Variants in AHRR observed in about 807,000 individuals in gnomAD.
The protein encoded by AHRR is aryl hydrocarbon receptor repressor, also known as ahR repressor.
A neutral mutation model predicts 44.0 loss-of-function variants in AHRR; 28 were observed. The observed-to-expected ratio is 0.64, with a 90% CI of 0.47 to 0.87. The LOEUF is 0.87. AHRR is among the 40% of genes least tolerant of loss of function. The pLI, the probability that AHRR is intolerant of heterozygous loss-of-function variation, is 0.00. For missense variants in AHRR, 990 were observed against 953.9 expected (o/e 1.04, Z -0.50); for synonymous variants, 434 against 407.0 (o/e 1.07, Z -0.80).
Position 408,382 on chromosome 5 carries a change from C to CTTT in AHRR, c.352-4953_352-4951dup, listed in dbSNP as rs34389831. Among the ~76,000 whole-genome samples, 282 of 145,878 alleles carry CTTT rather than the reference C, an allele frequency of 1.9e-3. 1 individual carries two copies. The highest frequency in any genetic ancestry group is 6.1e-3 in the African/African-American group (243 of 40,022). ...TTCAGTAATTCCTATTTTCCTGAGC[C>CTTT]TTTTTTTTTTTCAGGAATAATTGTT... is the stretch of plus-strand genomic sequence containing the variant. On this transcript the variant is annotated intron_variant, in intron 4 of 10. Coordinates refer to ENST00000684583, the MANE Select transcript of AHRR (RefSeq NM_001377236.1).
intron 3 of AHRR, among the ~76,000 whole-genome samples, chr5:360,778 C>T (rs1579621890): frequency 6.6e-6 from 1 of 152,120 alleles, no homozygotes; most frequent in East Asian, 1.9e-4. Context: ...GTGGAACTTG[C>T]AAGTGATGAA....
At chr5:364,254 C>T (rs779606421) in intron 3 of AHRR, among the ~76,000 whole-genome samples, 8 of 152,024 alleles carry the variant, frequency 5.3e-5, no homozygotes, top group African/African-American at 7.3e-5. Flanking sequence ...ATATACTTCA[C>T]GCAGAAGGAA....
At chr5:393,672 CTG>C (rs1245602052) in intron 4 of AHRR, among the ~76,000 whole-genome samples, 1 of 152,100 alleles carries the variant, frequency 6.6e-6, no homozygotes, top group African/African-American at 2.4e-5. Context: ...GAGTCTCACT[CTG>C]TTTCCCAGGC....
chr5:374,150 C>A (rs1169291825), intron 3 of AHRR, among the ~76,000 whole-genome samples: 3 of 152,110 alleles, frequency 2.0e-5, no homozygotes, highest in Non-Finnish European at 4.4e-5. Context: ...GTGACCCAGG[C>A]GTGTGCCCCC....
At chr5:432,973 C>T (rs772228788) in intron 10 of AHRR, 26 bp downstream of exon 10, 7 of 1,555,426 alleles carry the variant, frequency 4.5e-6, no homozygotes, top group Non-Finnish European at 6.1e-6. Flanking sequence ...CAGCCTCCCC[C>T]AGCCCTGGCA....
chr5:368,728 C>CG (rs1448874113), intron 3 of AHRR, among the ~76,000 whole-genome samples: 3 of 152,230 alleles, frequency 2.0e-5, no homozygotes, highest in Admixed American at 2.0e-4. Flanking sequence ...CTGAGGCCCC[C>CG]GGGTTCTGTG....
At chr5:325,167 C>A (rs901875372) in intron 1 of AHRR, among the ~76,000 whole-genome samples, 92 of 152,254 alleles carry the variant, frequency 6.0e-4, no homozygotes, top group Non-Finnish European at 2.5e-4. Context: ...CCCTGCCCCG[C>A]TTCATCTTCC....
chr5:335,232 C>T (rs1220689979), intron 1 of AHRR, among the ~76,000 whole-genome samples: 1 of 152,152 alleles, frequency 6.6e-6, no homozygotes, highest in Non-Finnish European at 1.5e-5. Context: ...AGTGAGCAGG[C>T]TTCCTAGTTT....
At chr5:409,448 A>G (rs945324015) in intron 4 of AHRR, among the ~76,000 whole-genome samples, 11 of 152,266 alleles carry the variant, frequency 7.2e-5, no homozygotes, top group East Asian at 1.9e-4. Flanking sequence ...ATTCCCACCA[A>G]TCACACTCTC....
chr5:432,824 G>C lies in AHRR; in HGVS notation c.989G>C (p.Ser330Thr), dbSNP rs1331994338. 1 of 1,613,894 alleles carries C rather than the reference G, an allele frequency of 6.2e-7. No homozygotes were observed. The highest frequency in any genetic ancestry group is 1.1e-5 in the South Asian group (1 of 91,084). Residue 330 changes from serine to threonine, a missense_variant, in exon 10 of 11, where the codon AGC becomes ACC. By Grantham distance (58) the Ser-to-Thr change is moderately conservative. Transcript: ENST00000684583. ...NYSAGRSSRE[S>T]GVLVLREQTD... is the part of the protein sequence containing the mutation. ...CCAACAGGAAGGAGCAGCAGAGAGA[G>C]CGGCGTTTTGGTGCTCAGGGAACAG... is the stretch of plus-strand genomic sequence containing the variant.
At chr5:382,127 T>G (rs1167250272) in intron 4 of AHRR, among the ~76,000 whole-genome samples, 2 of 152,224 alleles carry the variant, frequency 1.3e-5, no homozygotes, top group Admixed American at 6.5e-5. Context: ...GGTTTTCTTG[T>G]AATGTTTTTG....
rs377324327 is a variant in AHRR at position 388,300 on chromosome 5, G to A, written c.351+11584G>A. On this transcript the variant is annotated intron_variant, in intron 4 of 10. Transcript: ENST00000684583. This position sits in a 1 kb window ranked among gnomAD's most constrained non-coding sequence, Gnocchi z 5.2. Reference sequence around the variant, plus strand: ...CGAACCCAAGCCCTGAACTGCTGTCGTACACAGGGCTCAGTGCGACTGCGC... The same window carrying A: ...CGAACCCAAGCCCTGAACTGCTGTCATACACAGGGCTCAGTGCGACTGCGC... Among the ~76,000 whole-genome samples, 6 of 152,220 alleles carry A rather than the reference G, an allele frequency of 3.9e-5. No individual in the cohort carries two copies. The highest frequency in any genetic ancestry group is 1.9e-4 in the East Asian group (1 of 5,194).
chr5:378,092 G>T (rs1324548047), intron 4 of AHRR, among the ~76,000 whole-genome samples: 1 of 152,256 alleles, frequency 6.6e-6, no homozygotes, highest in African/African-American at 2.4e-5. Context: ...CTGGTAGGTT[G>T]TATGGTGAGG....
intron 1 of AHRR, among the ~76,000 whole-genome samples, chr5:333,279 A>G (rs1741994067): frequency 1.3e-5 from 2 of 152,172 alleles, no homozygotes; most frequent in East Asian, 3.9e-4. Flanking sequence ...TTAAAAATCC[A>G]TTCTGCCAAT....
At chr5:396,388 G>T (rs1734707285) in intron 4 of AHRR, among the ~76,000 whole-genome samples, 2 of 152,168 alleles carry the variant, frequency 1.3e-5, no homozygotes, top group African/African-American at 4.8e-5. Flanking sequence ...TGGGGTCTGT[G>T]TGTCTGGGGG....
At chr5:376,879 G>A (rs11133994) in intron 4 of AHRR, among the ~76,000 whole-genome samples, 163 bp downstream of exon 4, 26,336 of 152,120 alleles carry the variant, frequency 0.17, 2,431 homozygotes, top group East Asian at 0.28. Flanking sequence ...TCCAAAATCT[G>A]TTGAAGAAGG....
At chr5:378,602 G>A (rs1359624800) in intron 4 of AHRR, among the ~76,000 whole-genome samples, 2 of 152,236 alleles carry the variant, frequency 1.3e-5, no homozygotes, top group Admixed American at 1.3e-4. Flanking sequence ...GCTTCCCCTG[G>A]TGCACATCTT....
chr5:379,083 T>C (rs2721020), intron 4 of AHRR, among the ~76,000 whole-genome samples: 113,347 of 152,130 alleles, frequency 0.75, 42,951 homozygotes, highest in African/African-American at 0.78. Context: ...ATGTGTGCTC[T>C]ATCCCTGCAG....
intron 2 of AHRR, among the ~76,000 whole-genome samples, chr5:345,721 C>T (rs1172709377): frequency 2.6e-5 from 4 of 151,946 alleles, no homozygotes; most frequent in Non-Finnish European, 4.4e-5. Flanking sequence ...AGGTAAGGCC[C>T]CTTGGCGCCT....
Sources: allele counts gnomAD v4.1 joint callset (sites outside exome capture counted in the v4.1 genomes callset), GRCh38; gene constraint gnomAD v4.1.1; non-coding constraint Gnocchi (gnomAD v3.1); transcripts MANE v1.5; gene names NCBI Gene and HGNC (gene_info 2026-07-23, HGNC 2026-07-21).